Variants in SOX6 observed in about 807,000 individuals in gnomAD.
SOX6 encodes the protein SRY-box transcription factor 6.
Under a neutral mutation model 97.8 loss-of-function variants are expected in SOX6, and 11 were observed. The ratio of observed to expected loss-of-function variants is 0.11; its 90% confidence interval spans 0.07 to 0.19. The LOEUF (loss-of-function observed/expected upper bound fraction) is 0.19, where lower values mean the gene tolerates loss of function less well. SOX6 is among the 10% of genes least tolerant of loss of function. The pLI is 1.00. For synonymous variants in SOX6, 360 were observed against 371.4 expected, an observed-to-expected ratio of 0.97 and a Z score of 0.35; for missense variants, 810 against 1,039.5, an observed-to-expected ratio of 0.78 and a Z score of 3.04.
chr11:16,347,256 A>G (rs940726322), intron 1 of SOX6, among the ~76,000 whole-genome samples: 5 of 152,112 alleles, frequency 3.3e-5, no homozygotes, highest in Non-Finnish European at 7.4e-5. Flanking sequence ...GGATCAAAAC[A>G]ACTTGACTTC....
At chr11:15,973,227 A>C (rs1853370928) in intron 15 of SOX6, 115 bp from the exon 16 acceptor site, 2 of 998,792 alleles carry the variant, frequency 2.0e-6, no homozygotes, top group Admixed American at 2.2e-5. Flanking sequence ...ATAAATGTTA[A>C]ATAACATTCT....
intron 1 of SOX6, among the ~76,000 whole-genome samples, chr11:16,416,677 A>C (rs1336090646): frequency 6.6e-6 from 1 of 152,192 alleles, no homozygotes; most frequent in African/African-American, 2.4e-5. Context: ...TCTCTTCTTA[A>C]CATTTCCTAT....
intron 4 of SOX6, among the ~76,000 whole-genome samples, chr11:16,563,500 T>C (rs890975667): frequency 1.3e-5 from 2 of 152,028 alleles, no homozygotes; most frequent in South Asian, 2.1e-4. Flanking sequence ...AAGGGCTCAA[T>C]TGTAGAATGG....
intron 3 of SOX6, among the ~76,000 whole-genome samples, chr11:16,247,447 C>G (rs1244524840): frequency 6.6e-6 from 1 of 152,040 alleles, no homozygotes. Flanking sequence ...AAAGAACTGC[C>G]CGAGACTGGG....
At chr11:16,635,050 C>A (rs1045423223) in intron 3 of SOX6, among the ~76,000 whole-genome samples, 4 of 152,308 alleles carry the variant, frequency 2.6e-5, no homozygotes, top group Admixed American at 2.6e-4. Flanking sequence ...GTCAATTAAA[C>A]ATTTTTCCTT....
At chr11:16,454,644 G>C (rs1279423908) in intron 1 of SOX6, among the ~76,000 whole-genome samples, 1 of 151,976 alleles carries the variant, frequency 6.6e-6, no homozygotes, top group Non-Finnish European at 1.5e-5. Flanking sequence ...GACTTTTCCA[G>C]GGCAAGAGAA....
intron 9 of SOX6, among the ~76,000 whole-genome samples, chr11:16,089,368 G>T (rs1848636880): frequency 6.6e-6 from 1 of 152,060 alleles, no homozygotes; most frequent in Non-Finnish European, 1.5e-5. Context: ...AGAGAAGAAT[G>T]AAAGGTAGGA....
At chr11:16,064,008 T>C (rs760949498) in intron 9 of SOX6, among the ~76,000 whole-genome samples, 1 of 151,458 alleles carries the variant, frequency 6.6e-6, no homozygotes, top group Admixed American at 6.6e-5. Flanking sequence ...AAACAGAAAA[T>C]TGTATTTTCA....
intron 3 of SOX6, among the ~76,000 whole-genome samples, chr11:16,688,225 C>A (rs1036896134): frequency 2.6e-5 from 4 of 152,168 alleles, no homozygotes; most frequent in African/African-American, 9.6e-5. Flanking sequence ...CCACCCACCA[C>A]AGTCTCCCAA....
intron 2 of SOX6, among the ~76,000 whole-genome samples, chr11:16,320,046 T>C (rs1488675754): frequency 6.6e-6 from 1 of 152,106 alleles, no homozygotes; most frequent in Non-Finnish European, 1.5e-5. Flanking sequence ...CACCTAAAAG[T>C]TCATAGAAAT....
intron 6 of SOX6, among the ~76,000 whole-genome samples, chr11:16,115,376 T>C (rs1219400877): frequency 6.6e-6 from 1 of 152,180 alleles, no homozygotes; most frequent in African/African-American, 2.4e-5. Context: ...AAATTTAATT[T>C]AGGACAGTGA....
rs889908187 is a variant in SOX6, at chr11:16,613,663, G to C, written n.430-1403C>G. Among the ~76,000 whole-genome samples, 3 of 152,104 alleles carry C rather than the reference G, an allele frequency of 2.0e-5. No homozygotes were observed. Among genetic ancestry groups the C allele is most frequent in the Admixed American group, 6.6e-5 (1 of 15,266 alleles). ...CGCACGCACACACACAGACACGCGC[G>C]TATTCTGAAATTCTGGCCGAACTCC... On this transcript the variant is annotated intron_variant and non_coding_transcript_variant, in intron 3 of 5. Transcript: ENST00000524520. This position sits in a 1 kb window ranked among gnomAD's most constrained non-coding sequence, Gnocchi z 4.6.
At chr11:16,207,800 A>T (rs938469682) in intron 4 of SOX6, among the ~76,000 whole-genome samples, 1 of 144,452 alleles carries the variant, frequency 6.9e-6, no homozygotes, top group African/African-American at 2.7e-5. Flanking sequence ...ATTTTTTAAA[A>T]CTAAAATATG....
At chr11:16,461,225 C>G (rs966848375) in intron 1 of SOX6, among the ~76,000 whole-genome samples, 5 of 152,002 alleles carry the variant, frequency 3.3e-5, no homozygotes, top group African/African-American at 4.8e-5. Context: ...TAACATATAC[C>G]CTTACCAGTC....
At chr11:16,682,924 A>G (rs1051048730) in intron 3 of SOX6, among the ~76,000 whole-genome samples, 4 of 152,232 alleles carry the variant, frequency 2.6e-5, no homozygotes, top group South Asian at 2.1e-4. Context: ...AAAAATCACA[A>G]GCATTCCTAT....
intron 9 of SOX6, among the ~76,000 whole-genome samples, chr11:16,085,357 A>T (rs1369947386): frequency 6.6e-6 from 1 of 152,166 alleles, no homozygotes; most frequent in Non-Finnish European, 1.5e-5. Flanking sequence ...AGACCAAGTG[A>T]TAAACTATTA....
chr11:16,437,732 C>A (rs1859407939), intron 1 of SOX6, among the ~76,000 whole-genome samples: 1 of 150,968 alleles, frequency 6.6e-6, no homozygotes, highest in African/African-American at 2.4e-5. Flanking sequence ...ATTCTTCCAC[C>A]TGTAAACTAC....
chr11:16,126,465 G>A (rs143869026), intron 6 of SOX6, among the ~76,000 whole-genome samples: 1 of 152,074 alleles, frequency 6.6e-6, no homozygotes, highest in Non-Finnish European at 1.5e-5. Context: ...GTCCAGCTGT[G>A]ACTACTTCCC....
intron 15 of SOX6, among the ~76,000 whole-genome samples, chr11:15,980,394 G>GCC (rs1430124607): frequency 6.6e-6 from 1 of 151,942 alleles, no homozygotes; most frequent in Non-Finnish European, 1.5e-5. Context: ...AACATCTGAG[G>GCC]CCCCTTCTAT....
Sources: allele counts gnomAD v4.1 joint callset (sites outside exome capture counted in the v4.1 genomes callset), GRCh38; gene constraint gnomAD v4.1.1; non-coding constraint Gnocchi (gnomAD v3.1); transcripts MANE v1.5; gene names NCBI Gene and HGNC (gene_info 2026-07-23, HGNC 2026-07-21).